HECW2: variants seen among roughly 807,000 people sequenced by gnomAD.
The protein encoded by HECW2 is HECT, C2 and WW domain containing E3 ubiquitin protein ligase 2, also known as E3 ubiquitin-protein ligase HECW2.
A neutral mutation model predicts 175.2 loss-of-function variants in HECW2; 61 were observed. That is an observed-to-expected ratio of 0.35 (90% confidence interval 0.28 to 0.43). The LOEUF (loss-of-function observed/expected upper bound fraction) is 0.43, where lower values mean the gene tolerates loss of function less well. Ranked by LOEUF, HECW2 falls within the 20% of genes least tolerant of loss-of-function variation. The pLI is 1.00. For missense variants in HECW2, 1,524 were observed against 2,000.5 expected (o/e 0.76, Z 4.54); for synonymous variants, 671 against 731.0 (o/e 0.92, Z 1.32).
At chr2:196,221,344 A>G (rs1399450609) in intron 24 of HECW2, among the ~76,000 whole-genome samples, 1 of 152,202 alleles carries the variant, frequency 6.6e-6, no homozygotes, top group African/African-American at 2.4e-5. Flanking sequence ...TAAATTGAGA[A>G]CTTTTTCAAA....
At chr2:196,302,424 T>C (rs11897758) in intron 13 of HECW2, among the ~76,000 whole-genome samples, 31,955 of 152,174 alleles carry the variant, frequency 0.21, 3,639 homozygotes, top group Middle Eastern at 0.28. Flanking sequence ...TATATGAATT[T>C]TAAAATAGTT....
chr2:196,342,154 C>T (rs148823260), intron 3 of HECW2, among the ~76,000 whole-genome samples: 4,078 of 152,024 alleles, frequency 0.027, 82 homozygotes, highest in Middle Eastern at 0.054. Flanking sequence ...TCTGTAATCC[C>T]AGCACTTTGG....
In HECW2 at chr2:196,240,547, T is replaced by C. The variant is rs554758208; in HGVS notation, c.3666A>G (p.Arg1222=). The change falls in exon 21 of 29, where the codon AGA becomes AGG. Residue 1222 remains arginine (R), a synonymous_variant. Transcript: ENST00000644978. ...TAAAAGCATCTTCTAGTAAGTGATC[T>C]CTTCGGATAATTAACCTGTCCATAA... ...GPGKLKLIIR[R]DHLLEDAFNQ... is the part of the protein sequence containing the mutation. 1.2e-6 allele frequency: 2 copies of C among 1,607,756 alleles called. No homozygotes were observed. The highest frequency in any genetic ancestry group is 4.5e-5 in the East Asian group (2 of 44,650).
intron 1 of HECW2, among the ~76,000 whole-genome samples, chr2:196,578,634 G>A (rs1334929146): frequency 6.6e-6 from 1 of 152,082 alleles, no homozygotes; most frequent in African/African-American, 2.4e-5. Flanking sequence ...GCATGTACAG[G>A]GAACCTGAAT....
intron 1 of HECW2, among the ~76,000 whole-genome samples, chr2:196,581,243 G>A (rs1446570463): frequency 6.6e-6 from 1 of 152,156 alleles, no homozygotes; most frequent in African/African-American, 2.4e-5. Flanking sequence ...GTACTAAAAA[G>A]TACTGAATTG....
chr2:196,315,088 A>G (rs189866519), intron 10 of HECW2, among the ~76,000 whole-genome samples: 26 of 151,826 alleles, frequency 1.7e-4, no homozygotes, highest in Admixed American at 7.9e-4. Context: ...TCCAAAACCT[A>G]TCCATGAGAA....
chr2:196,385,472 C>G (rs907631291), intron 2 of HECW2, among the ~76,000 whole-genome samples: 1 of 152,088 alleles, frequency 6.6e-6, no homozygotes, highest in Non-Finnish European at 1.5e-5. Context: ...ATTGGCCATC[C>G]CTCTCCATTA....
intron 1 of HECW2, among the ~76,000 whole-genome samples, chr2:196,523,239 T>C (rs2125438622): frequency 6.6e-6 from 1 of 152,234 alleles, no homozygotes; most frequent in African/African-American, 2.4e-5. Context: ...TTGAAGCAAT[T>C]GTGAATGGGA....
At chr2:196,543,202 T>C (rs1162542739) in intron 1 of HECW2, among the ~76,000 whole-genome samples, 3 of 151,302 alleles carry the variant, frequency 2.0e-5, no homozygotes, top group East Asian at 1.9e-4. Context: ...CATCAGTGGT[T>C]CAGTAGTTCA....
rs563179581 is a variant in HECW2 at position 196,237,563 on chromosome 2, T to G, written c.3764+2886A>C. ...TGAGTAGTATTCCATGGTGTATATA[T>G]ATACCATGTTGGCTCTATCCACTCA... On this transcript the variant is annotated intron_variant, in intron 21 of 28. Transcript: ENST00000644978. Among the ~76,000 whole-genome samples, 4 of 152,374 alleles carry G rather than the reference T, an allele frequency of 2.6e-5. No homozygotes were observed. The East Asian group carries it at 7.7e-4, about 29-fold the overall frequency.
intron 2 of HECW2, among the ~76,000 whole-genome samples, chr2:196,358,109 C>A (rs1693445879): frequency 6.6e-6 from 1 of 152,176 alleles, no homozygotes; most frequent in African/African-American, 2.4e-5. Context: ...AATTCCATTT[C>A]TCCCATTCGC....
chr2:196,583,058 G>C (rs184515973), intron 1 of HECW2, among the ~76,000 whole-genome samples: 1 of 152,254 alleles, frequency 6.6e-6, no homozygotes, highest in East Asian at 1.9e-4. Context: ...CCATGTTCAG[G>C]GAGTTAGAAG....
intron 2 of HECW2, among the ~76,000 whole-genome samples, chr2:196,345,595 T>C (rs1692927301): frequency 6.6e-6 from 1 of 152,224 alleles, no homozygotes; most frequent in African/African-American, 2.4e-5. Flanking sequence ...GGATGATCCA[T>C]TGAGCCCTGA....
intron 2 of HECW2, among the ~76,000 whole-genome samples, chr2:196,396,100 G>A (rs922261066): frequency 6.6e-6 from 1 of 152,164 alleles, no homozygotes; most frequent in Admixed American, 6.5e-5. Context: ...ATTACGCTAA[G>A]TGATATAAGC....
intron 1 of HECW2, among the ~76,000 whole-genome samples, chr2:196,566,590 G>C (rs1198326316): frequency 6.7e-6 from 1 of 148,634 alleles, no homozygotes; most frequent in African/African-American, 2.5e-5. Context: ...GGAGTGCAGT[G>C]GCACGATCTT....
intron 2 of HECW2, among the ~76,000 whole-genome samples, chr2:196,378,590 G>C (rs2105916213): frequency 6.6e-6 from 1 of 152,108 alleles, no homozygotes; most frequent in Middle Eastern, 3.4e-3. Context: ...ACAATAACTA[G>C]GGCACCAATG....
rs1407683695 is a variant in HECW2, at chr2:196,502,706, C to A, written c.-35-69248G>T. ...ACGTGTCAGGCATGGTTCTAAGGAA[C>A]AATAATGGGTAAGAGCAACTATGGA... On this transcript the variant is annotated intron_variant, in intron 1 of 28. Coordinates refer to ENST00000644978, the MANE Select transcript of HECW2 (RefSeq NM_001348768.2). Among the ~76,000 whole-genome samples the A allele has an allele frequency of 1.3e-5, 2 of 152,114 alleles. 1 individual carries two copies. Among genetic ancestry groups the A allele is most frequent in the Middle Eastern group, 6.3e-3 (2 of 316 alleles).
At chr2:196,426,579 A>T (rs1695553603) in intron 2 of HECW2, among the ~76,000 whole-genome samples, 2 of 151,926 alleles carry the variant, frequency 1.3e-5, no homozygotes, top group African/African-American at 4.8e-5. Context: ...GTCCTTTGTC[A>T]ATTAGATAGT....
At chr2:196,522,870 G>T (rs969580328) in intron 1 of HECW2, among the ~76,000 whole-genome samples, 44 of 152,154 alleles carry the variant, frequency 2.9e-4, no homozygotes, top group Non-Finnish European at 7.4e-5. Flanking sequence ...ATGCTGTTTT[G>T]GTTACTGTAG....
Sources: gnomAD v4.1 joint callset for allele counts (sites outside exome capture counted in the v4.1 genomes callset) on GRCh38, gnomAD v4.1.1 for gene constraint, MANE v1.5 for transcripts, NCBI Gene and HGNC (gene_info 2026-07-23, HGNC 2026-07-21) for gene names.